The following WDFY4 variants were observed in gnomAD, a reference collection of about 807,000 sequenced individuals.
The protein encoded by WDFY4 is WD repeat- and FYVE domain-containing protein 4.
A neutral mutation model predicts 351.9 loss-of-function variants in WDFY4; 169 were observed. The ratio of observed to expected loss-of-function variants is 0.48; its 90% CI spans 0.42 to 0.55. The LOEUF is 0.55. Among genes scored for constraint, WDFY4 ranks in the 20% least tolerant of loss-of-function variants. WDFY4 has a pLI of 0.00. For synonymous variants in WDFY4, 1,622 were observed against 1,574.6 expected (o/e 1.03, Z -0.71); for missense variants, 3,803 against 3,935.6 (o/e 0.97, Z 0.90).
chr10:48,727,784 T>C, intron 7 of WDFY4, 125 bp downstream of exon 7: 1 of 1,211,504 alleles, frequency 8.3e-7, no homozygotes, highest in Non-Finnish European at 1.1e-6. Flanking sequence ...AGACCTCTTA[T>C]TTGCAAAAGT....
In WDFY4 at chr10:48,866,190, C is replaced by T. The variant is rs12782990; in HGVS notation, c.6664-1075C>T. On this transcript the variant is annotated intron_variant, in intron 39 of 61. Coordinates refer to ENST00000325239, the MANE Select transcript of WDFY4 (RefSeq NM_001394531.1). ...ATGGAAGTTTCAGATATTGATTTAA[C>T]GTGTTTCTTTTTTTTCTTAATATTG... is the stretch of plus-strand genomic sequence containing the variant. 2.8e-3 allele frequency among the ~76,000 whole-genome samples: 429 copies of T among 152,028 alleles called. 4 individuals are homozygous for T. Among genetic ancestry groups the T allele is most frequent in the Non-Finnish European group, 4.8e-3 (324 of 67,956 alleles).
chr10:48,966,083 T>C (rs1269401363), intron 54 of WDFY4, among the ~76,000 whole-genome samples: 1 of 152,090 alleles, frequency 6.6e-6, no homozygotes, highest in Non-Finnish European at 1.5e-5. Flanking sequence ...TAAAGACTTG[T>C]GTTGATGCTT....
intron 13 of WDFY4, among the ~76,000 whole-genome samples, chr10:48,769,605 G>A (rs1037010902): frequency 6.6e-6 from 1 of 152,148 alleles, no homozygotes; most frequent in Non-Finnish European, 1.5e-5. Context: ...CCTCTCTGGT[G>A]GTTTTCATTT....
At chr10:48,859,349 TAG>T (rs1341341932) in intron 39 of WDFY4, among the ~76,000 whole-genome samples, 1 of 152,222 alleles carries the variant, frequency 6.6e-6, no homozygotes, top group Non-Finnish European at 1.5e-5. Flanking sequence ...ATGTTAGCTG[TAG>T]AGTTTTCGTA....
At chr10:48,781,242 GTGTATATATATATGTGTGTGTGTGTA>G (rs1246339825) in intron 19 of WDFY4, among the ~76,000 whole-genome samples, 14 of 151,892 alleles carry the variant, frequency 9.2e-5, no homozygotes, top group African/African-American at 2.7e-4. Flanking sequence ...GTGTGTGTGT[GTGTATATATATATGTGTGTGTGTGTA>G]TATATATATA....
intron 1 of WDFY4, among the ~76,000 whole-genome samples, chr10:48,701,089 C>T (rs2063467705): frequency 6.6e-6 from 1 of 152,174 alleles, no homozygotes; most frequent in Non-Finnish European, 1.5e-5. Flanking sequence ...CCCCATGCAC[C>T]CCTCTCCCCA....
chr10:48,726,081 G>T lies in WDFY4; in HGVS notation c.781+11G>T, dbSNP rs765530425. The T allele has an allele frequency of 2.6e-6, 4 of 1,532,512 alleles. No homozygotes were observed. The Middle Eastern group carries it at 7.5e-4, about 289-fold the overall frequency. 94.9% of individuals were successfully genotyped at this position (1,532,512 alleles called of 1,614,324 possible). Reference sequence around the variant, plus strand: ...TCCAGTACCTGCAGGGTATGGCCCGGGAAATTAGATGTGGGCTGTGGGCCA... The same window carrying T: ...TCCAGTACCTGCAGGGTATGGCCCGTGAAATTAGATGTGGGCTGTGGGCCA... On this transcript the variant is annotated intron_variant, in intron 6 of 61. Coordinates refer to ENST00000325239, the MANE Select transcript of WDFY4 (RefSeq NM_001394531.1).
intron 31 of WDFY4, among the ~76,000 whole-genome samples, chr10:48,815,879 G>C (rs2067603666): frequency 6.6e-6 from 1 of 151,812 alleles, no homozygotes; most frequent in Non-Finnish European, 1.5e-5. Context: ...AATGATATTA[G>C]TCTGCAATTT....
At chr10:48,897,214 C>T (rs1445440280) in intron 44 of WDFY4, among the ~76,000 whole-genome samples, 1 of 152,180 alleles carries the variant, frequency 6.6e-6, no homozygotes, top group Non-Finnish European at 1.5e-5. Context: ...CCCTGTTCCT[C>T]CAGGGCAGGG....
chr10:48,895,610 A>G (rs928062509), intron 44 of WDFY4, among the ~76,000 whole-genome samples: 7 of 152,248 alleles, frequency 4.6e-5, no homozygotes, highest in Non-Finnish European at 7.3e-5. Context: ...TATAACAGAA[A>G]TCAACTTTAT....
At chr10:48,859,736 A>G (rs976263197) in intron 39 of WDFY4, among the ~76,000 whole-genome samples, 1 of 152,202 alleles carries the variant, frequency 6.6e-6, no homozygotes, top group Non-Finnish European at 1.5e-5. Flanking sequence ...GGAAAATATC[A>G]TCTCCTACTC....
chr10:48,691,876 G>A (rs1173990148), intron 1 of WDFY4, among the ~76,000 whole-genome samples: 1 of 152,254 alleles, frequency 6.6e-6, no homozygotes, highest in Non-Finnish European at 1.5e-5. Flanking sequence ...ACTGTGGACA[G>A]AATCCAGGGA....
intron 43 of WDFY4, among the ~76,000 whole-genome samples, chr10:48,887,281 T>C (rs923739751): frequency 2.0e-5 from 3 of 152,192 alleles, no homozygotes; most frequent in African/African-American, 7.2e-5. Context: ...CCACATCATC[T>C]CATCATGTGA....
In WDFY4 at chr10:48,814,013, C is replaced by A; in HGVS notation, c.5271C>A (p.Val1757=). 6.4e-7 allele frequency: 1 copy of A among 1,550,878 alleles called. No homozygotes were observed. Residue 1757 remains valine, a synonymous_variant, in exon 31 of 62, where the codon GTC becomes GTA. Transcript: ENST00000325239. ...WLLQRHHQEE[V]LQAGLCTEGA... ...TGCAGAGGCACCACCAGGAAGAAGTCCTCCAGGCTGGGCTGTGCACAGAAG... is the reference window on the plus strand; with the variant it reads ...TGCAGAGGCACCACCAGGAAGAAGTACTCCAGGCTGGGCTGTGCACAGAAG...
chr10:48,892,715 A>G (rs60629772), intron 44 of WDFY4, among the ~76,000 whole-genome samples: 2 of 152,190 alleles, frequency 1.3e-5, no homozygotes, highest in African/African-American at 4.8e-5. Context: ...TCTGTAAAAG[A>G]CTGCTATGGA....
chr10:48,826,633 A>T, intron 35 of WDFY4, 38 bp from the exon 36 acceptor site: 1 of 1,480,620 alleles, frequency 6.8e-7, no homozygotes, highest in Non-Finnish European at 9.2e-7. Flanking sequence ...TAAAGCACTC[A>T]CAAGTTTGTG....
chr10:48,967,625 T>G (rs1842141605), intron 55 of WDFY4: 2 of 145,436 alleles, frequency 1.4e-5, no homozygotes, highest in African/African-American at 2.5e-5. Context: ...GGGGTGGGGG[T>G]GGTTCCACTG....
intron 35 of WDFY4, chr10:48,823,761 G>C: frequency 1.0e-6 from 1 of 991,402 alleles, no homozygotes; most frequent in Non-Finnish European, 1.2e-6. Context: ...CTTTCAGGGG[G>C]ACCAGGCCTG....
chr10:48,828,202 A>T (rs2068068328), intron 36 of WDFY4, among the ~76,000 whole-genome samples: 1 of 152,234 alleles, frequency 6.6e-6, no homozygotes, highest in Non-Finnish European at 1.5e-5. Flanking sequence ...GGTTCATGGG[A>T]AACCTAATGT....
Sources: allele counts gnomAD v4.1 joint callset (sites outside exome capture counted in the v4.1 genomes callset), GRCh38; gene constraint gnomAD v4.1.1; transcripts MANE v1.5; gene names NCBI Gene and HGNC (gene_info 2026-07-23, HGNC 2026-07-21).